The following MKKS variants were observed in gnomAD, a reference collection of about 807,000 sequenced individuals.
The protein encoded by MKKS is molecular chaperone MKKS.
Under a neutral mutation model 33.2 loss-of-function variants are expected in MKKS, and 29 were observed. The ratio of observed to expected loss-of-function variants is 0.87; its 90% CI spans 0.65 to 1.19. The LOEUF is 1.19. Among genes scored for constraint, MKKS ranks in the 50% most tolerant of loss-of-function variants. MKKS has a pLI of 0.00. For missense variants in MKKS, 661 were observed against 662.3 expected (o/e 1.00, Z 0.02); for synonymous variants, 260 against 244.0 (o/e 1.07, Z -0.61).
rs1226255722 is a variant in MKKS, at chr20:10,427,029, G to GACACACACACAGACACACACACAC, written c.-648-6272_-648-6271insGTGTGTGTGTGTCTGTGTGTGTGT. Among the ~76,000 whole-genome samples the GACACACACACAGACACACACACAC allele has an allele frequency of 1.9e-3, 250 of 130,780 alleles. 3 individuals carry two copies. Among genetic ancestry groups the GACACACACACAGACACACACACAC allele is most frequent in the African/African-American group, 6.1e-3 (196 of 32,288 alleles). The allele number at this position is 130,780 out of a possible 152,430, so 85.8% of individuals were successfully genotyped here. A position where few individuals can be genotyped will look rare whatever the true frequency, so the allele number is the denominator to read the frequency against. ...TTAAAGGCCAAGAAAAGAAAACACT[G>GACACACACACAGACACACACACAC]ACACACACACACACACACACACACA... On this transcript the variant is annotated intron_variant, in intron 1 of 5. Coordinates refer to ENST00000347364, the MANE Select transcript of MKKS (RefSeq NM_170784.3).
chr20:10,425,957 TAG>T (rs2122271662), intron 1 of MKKS, among the ~76,000 whole-genome samples: 1 of 152,328 alleles, frequency 6.6e-6, no homozygotes, highest in East Asian at 1.9e-4. Context: ...TCAAGTAAAA[TAG>T]AGTTGATATT....
chr20:10,413,634 G>T lies in MKKS; in HGVS notation c.-120C>A. The T allele has an allele frequency of 8.9e-7, 1 of 1,119,122 alleles. No homozygotes were observed. Among genetic ancestry groups the T allele is most frequent in the Non-Finnish European group, 1.3e-6 (1 of 757,320 alleles). The allele number at this position is 1,119,122 out of a possible 1,614,324, so 69.3% of individuals were successfully genotyped here. On this transcript the variant is annotated 5_prime_UTR_variant, in exon 3 of 6. Coordinates refer to ENST00000347364, the MANE Select transcript of MKKS (RefSeq NM_170784.3). ...TCTTTAGGAATTAAAGTATGAATAT[G>T]CAGCATTGTGGCTATAAAATCAAAA...
At chr20:10,408,460 A>G (rs2064858207) in intron 4 of MKKS, among the ~76,000 whole-genome samples, 168 bp downstream of exon 4, 1 of 152,274 alleles carries the variant, frequency 6.6e-6, no homozygotes, top group Admixed American at 6.5e-5. Context: ...CAAATTTATT[A>G]TAATGCCACA....
rs999103744 is a variant in MKKS at position 10,402,635 on chromosome 20, G to T, written c.*2612C>A. On this transcript the variant is annotated 3_prime_UTR_variant, in exon 6 of 6. Transcript: ENST00000347364. Reference sequence around the variant, plus strand: ...AGCCCCTAATCTATAAGATCAATTGGAGAGGTTCGCTGTGTCACCCCTTCT... The same window carrying T: ...AGCCCCTAATCTATAAGATCAATTGTAGAGGTTCGCTGTGTCACCCCTTCT... The T allele has an allele frequency of 1.3e-5, 2 of 152,162 alleles. No individual in the cohort carries two copies. Among genetic ancestry groups the T allele is most frequent in the African/African-American group, 4.8e-5 (2 of 41,438 alleles). 9.4% of individuals were successfully genotyped at this position (152,162 alleles called of 1,614,324 possible). A position where few individuals can be genotyped will look rare whatever the true frequency, so the allele number is the denominator to read the frequency against.
At chr20:10,427,518 G>C (rs2065024301) in intron 1 of MKKS, among the ~76,000 whole-genome samples, 1 of 152,058 alleles carries the variant, frequency 6.6e-6, no homozygotes, top group Non-Finnish European at 1.5e-5. Flanking sequence ...TGACAATGTT[G>C]GCTTTAGGTA....
rs1807487060 is a variant in MKKS, at chr20:10,402,778, G to C, written c.*2469C>G. 1 of 152,192 alleles carries C rather than the reference G, an allele frequency of 6.6e-6. No individual in the cohort carries two copies. The highest frequency in any genetic ancestry group is 1.5e-5 in the Non-Finnish European group (1 of 68,036). 9.4% of individuals were successfully genotyped at this position (152,192 alleles called of 1,614,324 possible). On this transcript the variant is annotated 3_prime_UTR_variant, in exon 6 of 6. Transcript: ENST00000347364. The stretch of plus-strand genomic sequence containing the variant: ...AACCCTTCTTTTAGGTTGGGGTGAT[G>C]ATAAAAATGCAAAGGCATGGCATCA...
intron 3 of MKKS, among the ~76,000 whole-genome samples, chr20:10,411,047 C>T (rs914764014): frequency 2.7e-5 from 4 of 150,268 alleles, no homozygotes; most frequent in Non-Finnish European, 4.4e-5. Flanking sequence ...AGTGCAGTGG[C>T]GCAATCTCGG....
intron 5 of MKKS, among the ~76,000 whole-genome samples, chr20:10,406,134 T>C (rs2064842421): frequency 6.6e-6 from 1 of 152,222 alleles, no homozygotes; most frequent in Non-Finnish European, 1.5e-5. Flanking sequence ...GGAATGCACA[T>C]ATTTTTATTT....
chr20:10,419,396 A>C (rs1190781529), intron 2 of MKKS, among the ~76,000 whole-genome samples: 1 of 152,194 alleles, frequency 6.6e-6, no homozygotes, highest in Non-Finnish European at 1.5e-5. Context: ...ATAACGCTAT[A>C]TTATAGTAAA....
At chr20:10,424,964 A>G (rs2065005420) in intron 1 of MKKS, among the ~76,000 whole-genome samples, 1 of 151,952 alleles carries the variant, frequency 6.6e-6, no homozygotes, top group South Asian at 2.1e-4. Flanking sequence ...GAGGCAGAAG[A>G]ATCACTTGAA....
intron 1 of MKKS, among the ~76,000 whole-genome samples, chr20:10,433,799 C>T (rs1394421423): frequency 1.3e-5 from 2 of 152,144 alleles, no homozygotes; most frequent in Non-Finnish European, 2.9e-5. Context: ...ACAGGTTCGG[C>T]GTAGAAGGCG....
At position 10,405,291 on chromosome 20, in the gene MKKS, T is replaced by C; in HGVS notation, c.1669A>G (p.Asn557Asp). 3.7e-6 allele frequency: 6 copies of C among 1,613,450 alleles called. No homozygotes were observed. The highest frequency in any genetic ancestry group is 2.2e-5 in the East Asian group (1 of 44,882). The change falls in exon 6 of 6, where the codon AAT (asparagine) becomes GAT (aspartate). Residue 557 changes from asparagine to aspartate, a missense_variant. Physicochemically the swap from Asn to Asp is conservative, Grantham distance 23. Coordinates refer to ENST00000347364, the MANE Select transcript of MKKS (RefSeq NM_170784.3). Reference sequence around the variant, plus strand: ...ACATATGAAAGATCCAAAATCAAATTGGCTGTCTCTACAGCCACCTGTAGG... The same window carrying C: ...ACATATGAAAGATCCAAAATCAAATCGGCTGTCTCTACAGCCACCTGTAGG... ...SGLQVAVETA[N>D]LILDLSYVIE... is the part of the protein sequence containing the mutation.
intron 1 of MKKS, among the ~76,000 whole-genome samples, chr20:10,427,043 C>CACACAG (rs2065020120): frequency 8.1e-6 from 1 of 122,884 alleles, no homozygotes; most frequent in South Asian, 2.3e-4. Flanking sequence ...CACACACACA[C>CACACAG]ACACACACAC....
rs2294901 is a variant in MKKS, at chr20:10,404,855, A to G, written c.*392T>C. 23,195 of 162,214 alleles carry G rather than the reference A, an allele frequency of 0.14. 1,866 individuals are homozygous for G. The highest frequency in any genetic ancestry group is 0.24 in the East Asian group (1,340 of 5,576). The allele number at this position is 162,214 out of a possible 1,614,324, so 10.0% of individuals were successfully genotyped here. On this transcript the variant is annotated 3_prime_UTR_variant, in exon 6 of 6. Coordinates refer to ENST00000347364, the MANE Select transcript of MKKS (RefSeq NM_170784.3). ...TTGTGACACTTTGAGATCTAGTTTT[A>G]TACTTTAAGCATATGTAATTACTGC...
At position 10,410,050 on chromosome 20, in the gene MKKS, T is replaced by C. The variant is rs574861340; in HGVS notation, c.986-1247A>G. Reference sequence around the variant, plus strand: ...CTTCCATCTCAAAAAATTTATAGAATATAATCACTAAACAATTTCACTTAT... The same window carrying C: ...CTTCCATCTCAAAAAATTTATAGAACATAATCACTAAACAATTTCACTTAT... On this transcript the variant is annotated intron_variant, in intron 3 of 5. Coordinates refer to ENST00000347364, the MANE Select transcript of MKKS (RefSeq NM_170784.3). Among the ~76,000 whole-genome samples, 17 of 134,538 alleles carry C rather than the reference T, an allele frequency of 1.3e-4. 1 individual carries two copies. The highest frequency in any genetic ancestry group is 4.8e-4 in the African/African-American group (17 of 35,544). The allele number at this position is 134,538 out of a possible 152,430, so 88.3% of individuals were successfully genotyped here. A position where few individuals can be genotyped will look rare whatever the true frequency, so the allele number is the denominator to read the frequency against.
rs962288621 is a variant in MKKS at position 10,405,183 on chromosome 20, A to T, written c.*64T>A. On this transcript the variant is annotated 3_prime_UTR_variant, in exon 6 of 6. Coordinates refer to ENST00000347364, the MANE Select transcript of MKKS (RefSeq NM_170784.3). Reference sequence around the variant, plus strand: ...TTGGGAGAAAACAAATACACTCACAATTTTTCTCAATTGCCAACAGACTAG... The same window carrying T: ...TTGGGAGAAAACAAATACACTCACATTTTTTCTCAATTGCCAACAGACTAG... 54 of 1,342,496 alleles carry T rather than the reference A, an allele frequency of 4.0e-5. No individual in the cohort carries two copies. The highest frequency in any genetic ancestry group is 5.0e-5 in the Non-Finnish European group (49 of 977,104). 83.2% of individuals were successfully genotyped at this position (1,342,496 alleles called of 1,614,324 possible). A position where few individuals can be genotyped will look rare whatever the true frequency, so the allele number is the denominator to read the frequency against.
At position 10,412,768 on chromosome 20, in the gene MKKS, G is replaced by A. The variant is rs187543885; in HGVS notation, c.747C>T (p.Ser249=). ...LKVALFCTTL[S]GDTSDTGEGT... The stretch of plus-strand genomic sequence containing the variant: ...CTTCTCCAGTGTCAGAAGTGTCTCC[G>A]GATAAAGTTGTACAAAAGAGTGCCA... The change falls in exon 3 of 6, where the codon TCC becomes TCT. Residue 249 remains serine (S), a synonymous_variant. Transcript: ENST00000347364. 68 of 1,614,116 alleles carry A rather than the reference G, an allele frequency of 4.2e-5. No individual in the cohort carries two copies. The highest frequency in any genetic ancestry group is 5.2e-5 in the Non-Finnish European group (61 of 1,180,018).
intron 1 of MKKS, among the ~76,000 whole-genome samples, chr20:10,429,701 G>C (rs2065040982): frequency 6.6e-6 from 1 of 152,136 alleles, no homozygotes; most frequent in Non-Finnish European, 1.5e-5. Context: ...CCTGCCATTT[G>C]ACATAAGTGT....
At chr20:10,411,750 T>C (rs1302699422) in intron 3 of MKKS, among the ~76,000 whole-genome samples, 1 of 152,194 alleles carries the variant, frequency 6.6e-6, no homozygotes, top group African/African-American at 2.4e-5. Context: ...GACTAAATGA[T>C]CATCTTTCTG....
Sources: allele counts gnomAD v4.1 joint callset (sites outside exome capture counted in the v4.1 genomes callset), GRCh38; gene constraint gnomAD v4.1.1; transcripts MANE v1.5; gene names NCBI Gene and HGNC (gene_info 2026-07-23, HGNC 2026-07-21).